The following ARSJ variants were observed in gnomAD, a reference collection of about 807,000 sequenced individuals.
ARSJ encodes the protein arylsulfatase family member J.
ARSJ carries 26 observed loss-of-function variants against 35.9 expected under a neutral mutation model. That is an observed-to-expected ratio of 0.72 (90% CI 0.53 to 1.00). The LOEUF is 1.00. Ranked by LOEUF, ARSJ falls within the 50% of genes least tolerant of loss-of-function variation. ARSJ has a pLI of 0.00. For synonymous variants in ARSJ, 294 were observed against 267.6 expected (o/e 1.10, Z -0.96); for missense variants, 667 against 723.6 (o/e 0.92, Z 0.90).
chr4:113,908,889 G>A (rs1408882068), intron 1 of ARSJ, among the ~76,000 whole-genome samples: 1 of 152,034 alleles, frequency 6.6e-6, no homozygotes, highest in African/African-American at 2.4e-5. Flanking sequence ...GAGACCACTG[G>A]TATAGAAAGT....
At chr4:113,978,373 C>G (rs577334558) in intron 1 of ARSJ, 64 bp downstream of exon 1, 56 of 1,441,410 alleles carry the variant, frequency 3.9e-5, no homozygotes, top group Non-Finnish European at 4.9e-5. Flanking sequence ...AAATTTGGAG[C>G]TGGATCTTCA....
chr4:113,951,850 C>T (rs909423570), intron 1 of ARSJ, among the ~76,000 whole-genome samples: 2 of 151,978 alleles, frequency 1.3e-5, no homozygotes, highest in Admixed American at 1.3e-4. Context: ...CAGAACAAAG[C>T]CTTATAAATT....
At chr4:113,916,717 G>A in intron 1 of ARSJ, among the ~76,000 whole-genome samples, 1 of 152,044 alleles carries the variant, frequency 6.6e-6, no homozygotes, top group East Asian at 1.9e-4. Flanking sequence ...ATTTCCAATT[G>A]CCAAACTGAA....
intron 1 of ARSJ, among the ~76,000 whole-genome samples, chr4:113,962,967 G>A (rs1726653435): frequency 6.6e-6 from 1 of 151,910 alleles, no homozygotes; most frequent in Non-Finnish European, 1.5e-5. Flanking sequence ...ACACACCAGG[G>A]GTGTTCCTGT....
chr4:113,934,357 C>T (rs1355485714), intron 1 of ARSJ, among the ~76,000 whole-genome samples: 3 of 151,376 alleles, frequency 2.0e-5, no homozygotes, highest in African/African-American at 7.3e-5. Flanking sequence ...CATTAATAGA[C>T]AAAAAAAGTG....
chr4:113,903,830 T>G (rs2099667899), intron 1 of ARSJ, among the ~76,000 whole-genome samples, 155 bp from the exon 2 acceptor site: 1 of 152,250 alleles, frequency 6.6e-6, no homozygotes, highest in Non-Finnish European at 1.5e-5. Flanking sequence ...TTTCTGCTCT[T>G]TACTCACAAG....
chr4:113,908,925 A>G (rs1470526735), intron 1 of ARSJ, among the ~76,000 whole-genome samples: 1 of 152,162 alleles, frequency 6.6e-6, no homozygotes, highest in Non-Finnish European at 1.5e-5. Flanking sequence ...GAGAATTGAA[A>G]CACAGATTGT....
intron 1 of ARSJ, among the ~76,000 whole-genome samples, chr4:113,950,882 G>A (rs1360309008): frequency 1.3e-5 from 2 of 152,100 alleles, no homozygotes; most frequent in African/African-American, 4.8e-5. Flanking sequence ...TTTGCATACA[G>A]TTGAAGCACT....
intron 1 of ARSJ, among the ~76,000 whole-genome samples, chr4:113,942,150 G>A (rs1725198694): frequency 6.6e-6 from 1 of 151,994 alleles, no homozygotes; most frequent in South Asian, 2.1e-4. Context: ...AATAAGTAGT[G>A]AGTGATAAAG....
chr4:113,912,041 T>A (rs997585847), intron 1 of ARSJ, among the ~76,000 whole-genome samples: 2 of 152,212 alleles, frequency 1.3e-5, no homozygotes, highest in Non-Finnish European at 2.9e-5. Flanking sequence ...TATTTCTTAA[T>A]GACAAATAGT....
chr4:113,916,810 A>C (rs1723335075), intron 1 of ARSJ, among the ~76,000 whole-genome samples: 1 of 152,206 alleles, frequency 6.6e-6, no homozygotes, highest in Non-Finnish European at 1.5e-5. Flanking sequence ...AGGAATGCAA[A>C]GAAATAATTC....
rs149650513 is a variant in ARSJ, at chr4:113,904,752, G to A, written c.399-1077C>T. The stretch of plus-strand genomic sequence containing the variant: ...GATCCGCCCACCTCGGCCTCCCAAA[G>A]TGCTGGGATTGCAGGCGTGAGCCAC... On this transcript the variant is annotated intron_variant, in intron 1 of 1. Transcript: ENST00000315366. 5.0e-3 allele frequency among the ~76,000 whole-genome samples: 768 copies of A among 152,322 alleles called. 6 individuals carry two copies. Among genetic ancestry groups the A allele is most frequent in the African/African-American group, 0.018 (730 of 41,572 alleles).
Position 113,972,497 on chromosome 4 carries a change from C to T in ARSJ, c.398+5940G>A, listed in dbSNP as rs141901754. 6.6e-4 allele frequency among the ~76,000 whole-genome samples: 101 copies of T among 152,054 alleles called. 2 individuals carry two copies. In the East Asian group the frequency reaches 0.014, roughly 21 times the overall value. On this transcript the variant is annotated intron_variant, in intron 1 of 1. Coordinates refer to ENST00000315366, the MANE Select transcript of ARSJ (RefSeq NM_024590.4). ...TTCCAATATGCCCACTGTTATTTAG[C>T]AAAATCCTCCTTAAAACTTTTGTTT... is the stretch of plus-strand genomic sequence containing the variant.
rs190419416 is a variant in ARSJ at position 113,955,518 on chromosome 4, T to C, written c.398+22919A>G. Among the ~76,000 whole-genome samples, 270 of 151,988 alleles carry C rather than the reference T, an allele frequency of 1.8e-3. 2 individuals carry two copies. Among genetic ancestry groups the C allele is most frequent in the Admixed American group, 5.2e-3 (79 of 15,250 alleles). On this transcript the variant is annotated intron_variant, in intron 1 of 1. Coordinates refer to ENST00000315366, the MANE Select transcript of ARSJ (RefSeq NM_024590.4). ...AGGAGCTGTGCCACCGTTTTTATTA[T>C]AAAAGAAACTACTATTAGGATGCAG...
Position 113,903,185 on chromosome 4 carries a change from G to A in ARSJ, c.889C>T (p.Leu297Phe), listed in dbSNP as rs1455801340. 1.2e-6 allele frequency: 2 copies of A among 1,614,170 alleles called. No homozygotes were observed. The highest frequency in any genetic ancestry group is 2.2e-5 in the South Asian group (2 of 91,080). Residue 297 changes from leucine to phenylalanine, a missense_variant, in exon 2 of 2, where the codon CTT (leucine) becomes TTT (phenylalanine). Physicochemically the swap from Leu to Phe is conservative, Grantham distance 22. Transcript: ENST00000315366. ...TTGATTGCTTCATCTAAGCAGGAAA[G>A]CATGGCAGCATATCTCCTCCTGTTT... ...NINRRRYAAMLSCLDEAINNV... is the reference protein window; with the variant it reads ...NINRRRYAAMFSCLDEAINNV...
intron 1 of ARSJ, among the ~76,000 whole-genome samples, chr4:113,908,069 G>T (rs62314596): frequency 3.9e-5 from 6 of 152,006 alleles, no homozygotes; most frequent in African/African-American, 1.5e-4. Flanking sequence ...AAAACTGCAC[G>T]TAAACCCCTA....
chr4:113,947,479 CA>C (rs2149272984), intron 1 of ARSJ, among the ~76,000 whole-genome samples: 1 of 119,594 alleles, frequency 8.4e-6, no homozygotes, highest in Non-Finnish European at 1.7e-5. Flanking sequence ...GATTCTGTTT[CA>C]AAAGAAAGAA....
rs201633029 is a variant in ARSJ at position 113,962,318 on chromosome 4, G to GA, written c.398+16118dup. ...TCTGACACCACTTACTATGATAAAA[G>GA]AAAAAAAAATCTATAACTGCAATCC... On this transcript the variant is annotated intron_variant, in intron 1 of 1. Transcript: ENST00000315366. Among the ~76,000 whole-genome samples the GA allele has an allele frequency of 1.3e-4, 19 of 149,732 alleles. No homozygotes were observed. The East Asian group carries it at 1.8e-3, about 14-fold the overall frequency.
At position 113,904,818 on chromosome 4, in the gene ARSJ, A is replaced by C. The variant is rs956610073; in HGVS notation, c.399-1143T>G. ...ATCTCTAATCTGTTAGATCTCTGAA[A>C]CGAGATAGAGGTTTCTGACTACACA... On this transcript the variant is annotated intron_variant, in intron 1 of 1. Transcript: ENST00000315366. Among the ~76,000 whole-genome samples, 10 of 152,262 alleles carry C rather than the reference A, an allele frequency of 6.6e-5. 1 individual carries two copies. Among genetic ancestry groups the C allele is most frequent in the Admixed American group, 6.5e-4 (10 of 15,304 alleles).
Sources: gnomAD v4.1 joint callset for allele counts (sites outside exome capture counted in the v4.1 genomes callset) on GRCh38, gnomAD v4.1.1 for gene constraint, MANE v1.5 for transcripts, NCBI Gene and HGNC (gene_info 2026-07-23, HGNC 2026-07-21) for gene names.